The following TRIM66 variants were observed in gnomAD, a reference collection of about 807,000 sequenced individuals.
TRIM66 encodes tripartite motif containing 66.
TRIM66 carries 99 observed loss-of-function variants against 148.2 expected under a neutral mutation model. The ratio of observed to expected loss-of-function variants is 0.67; its 90% CI spans 0.57 to 0.79. TRIM66 has a LOEUF of 0.79. Among genes scored for constraint, TRIM66 ranks in the 30% least tolerant of loss-of-function variants. The pLI is 0.00. For missense variants in TRIM66, 1,666 were observed against 1,697.9 expected (o/e 0.98, Z 0.33); for synonymous variants, 616 against 635.9 (o/e 0.97, Z 0.47).
At chr11:8,678,638 T>C (rs1221441994) in intron 3 of TRIM66, among the ~76,000 whole-genome samples, 1 of 152,232 alleles carries the variant, frequency 6.6e-6, no homozygotes, top group Non-Finnish European at 1.5e-5. Flanking sequence ...TAATTCTCAC[T>C]TGGAAAAAAA....
In TRIM66 at chr11:8,625,224, G is replaced by A; in HGVS notation, c.2315C>T (p.Ser772Phe). Residue 772 changes from serine (S) to phenylalanine (F), a missense_variant, in exon 16 of 25, where the codon TCC (serine) becomes TTC (phenylalanine). Ser to Phe is a radical substitution (Grantham distance 155). Coordinates refer to ENST00000646038, the MANE Select transcript of TRIM66 (RefSeq NM_001388022.1). ...AAAGCCCATGATGCTCAGCGAGGTG[G>A]AGTGCTGCAGGAACAGAGACAAGGG... ...HSSPNVVRKH[S>F]TSLSIMGFSN... The A allele has an allele frequency of 6.7e-7, 1 of 1,496,414 alleles. No homozygotes were observed. Among genetic ancestry groups the A allele is most frequent in the Non-Finnish European group, 9.0e-7 (1 of 1,116,596 alleles). 92.7% of individuals were successfully genotyped at this position (1,496,414 alleles called of 1,614,324 possible).
Position 8,640,963 on chromosome 11 carries a change from G to T in TRIM66, c.1412C>A (p.Ser471Tyr). ...CSSSVCCSHCSPVSPSLKGQV... is the reference protein window; with the variant it reads ...CSSSVCCSHCYPVSPSLKGQV... ...GCCTTTGAGGGAAGGCGAGACTGGG[G>T]AGCAGTGGGAGCAGCACACAGATGA... The change falls in exon 14 of 25, where the codon TCC (serine) becomes TAC (tyrosine). Residue 471 changes from serine (S) to tyrosine (Y), a missense_variant. By Grantham distance (144) the Ser-to-Tyr change is moderately radical. Coordinates refer to ENST00000646038, the MANE Select transcript of TRIM66 (RefSeq NM_001388022.1). 2 of 1,551,306 alleles carry T rather than the reference G, an allele frequency of 1.3e-6. No homozygotes were observed. Among genetic ancestry groups the T allele is most frequent in the Non-Finnish European group, 1.7e-6 (2 of 1,146,966 alleles).
At chr11:8,682,457 C>T (rs1015395796) in intron 1 of TRIM66, 144 bp downstream of exon 1, 14 of 373,764 alleles carry the variant, frequency 3.7e-5, no homozygotes, top group South Asian at 3.5e-4. Flanking sequence ...CAACGAGGCC[C>T]TTAGGGTCGG....
intron 3 of TRIM66, among the ~76,000 whole-genome samples, chr11:8,677,678 T>C (rs2036423): frequency 0.39 from 59,771 of 151,998 alleles, 12,174 homozygotes; most frequent in East Asian, 0.6. Context: ...TTCCATTAAT[T>C]TTATCCTCTG....
intron 18 of TRIM66, 128 bp from the exon 19 acceptor site, chr11:8,621,947 A>G (rs753274750): frequency 2.0e-5 from 20 of 985,712 alleles, no homozygotes; most frequent in Non-Finnish European, 2.8e-5. Flanking sequence ...TGAAGGATAC[A>G]AAGTATTTAT....
intron 15 of TRIM66, among the ~76,000 whole-genome samples, chr11:8,636,484 C>T (rs1450561605): frequency 6.6e-6 from 1 of 152,142 alleles, no homozygotes; most frequent in African/African-American, 2.4e-5. Context: ...TAATTCAAAA[C>T]TTAACTTCTT....
At chr11:8,682,906 T>A (rs751506939), upstream of TRIM66, 9 of 1,471,074 alleles carry the variant, frequency 6.1e-6, no homozygotes, top group Non-Finnish European at 8.3e-6. Flanking sequence ...CTCCCTACCA[T>A]GGTCGGGGCT....
chr11:8,663,596 T>A (rs1011657196), intron 6 of TRIM66, among the ~76,000 whole-genome samples: 2 of 152,014 alleles, frequency 1.3e-5, no homozygotes, highest in African/African-American at 4.8e-5. Context: ...AACTAAAAAC[T>A]TGAAAAGCAA....
Position 8,625,210 on chromosome 11 carries a change from T to C in TRIM66, c.2329A>G (p.Ile777Val), listed in dbSNP as rs1449793402. 2 of 1,509,134 alleles carry C rather than the reference T, an allele frequency of 1.3e-6. No individual in the cohort carries two copies. The highest frequency in any genetic ancestry group is 2.8e-5 in the African/African-American group (2 of 72,364). The allele number at this position is 1,509,134 out of a possible 1,614,324, so 93.5% of individuals were successfully genotyped here. A position where few individuals can be genotyped will look rare whatever the true frequency, so the allele number is the denominator to read the frequency against. ...VVRKHSTSLSIMGFSNTLEME... is the reference protein window; with the variant it reads ...VVRKHSTSLSVMGFSNTLEME... ...TCCAGAGTGTTGGAAAAGCCCATGA[T>C]GCTCAGCGAGGTGGAGTGCTGCAGG... The change falls in exon 16 of 25, where the codon ATC (isoleucine) becomes GTC (valine). Residue 777 changes from isoleucine to valine, a missense_variant. Coordinates refer to ENST00000646038, the MANE Select transcript of TRIM66 (RefSeq NM_001388022.1).
At chr11:8,645,075 A>G (rs1314615158) in intron 12 of TRIM66, among the ~76,000 whole-genome samples, 3 of 152,048 alleles carry the variant, frequency 2.0e-5, no homozygotes, top group African/African-American at 7.2e-5. Context: ...TGGGTTCCTG[A>G]CTTTCTCTCT....
Position 8,672,247 on chromosome 11 carries a change from C to A in TRIM66, c.27+1G>T, listed in dbSNP as rs1282209727. On this transcript the variant is annotated splice_donor_variant, in intron 5 of 24. Coordinates refer to ENST00000646038, the MANE Select transcript of TRIM66 (RefSeq NM_001388022.1). LOFTEE classifies it high-confidence loss of function. ...CTCATGCCTCAGCCTCAGTTCCTCA[C>A]CTGGGACCAAAAAGAGAGTCTAGCC... 1.3e-6 allele frequency: 2 copies of A among 1,536,144 alleles called. No individual in the cohort carries two copies. The highest frequency in any genetic ancestry group is 1.2e-5 in the South Asian group (1 of 84,066).
At chr11:8,678,702 A>C (rs563596580) in intron 3 of TRIM66, among the ~76,000 whole-genome samples, 1 of 152,376 alleles carries the variant, frequency 6.6e-6, no homozygotes, top group South Asian at 2.1e-4. Flanking sequence ...TTAAAAAAGA[A>C]AACGAACATA....
At chr11:8,630,455 A>G (rs1486726118) in intron 15 of TRIM66, among the ~76,000 whole-genome samples, 1 of 152,234 alleles carries the variant, frequency 6.6e-6, no homozygotes, top group Non-Finnish European at 1.5e-5. Context: ...ATCTTTACAT[A>G]CAAAACCTCT....
At position 8,671,966 on chromosome 11, in the gene TRIM66, G is replaced by A. The variant is rs1263168616; in HGVS notation, c.160C>T (p.His54Tyr). 5 of 1,536,144 alleles carry A rather than the reference G, an allele frequency of 3.3e-6. No homozygotes were observed. Among genetic ancestry groups the A allele is most frequent in the Non-Finnish European group, 4.4e-6 (5 of 1,146,914 alleles). The change falls in exon 6 of 25, where the codon CAC becomes TAC. Residue 54 changes from histidine (H) to tyrosine (Y), a missense_variant. Physicochemically the swap from His to Tyr is moderately conservative, Grantham distance 83 (BLOSUM62 2). Around this residue, in one of 3 missense-constraint regions of TRIM66, gnomAD observed 1,431 missense variants for 1,412.4 expected, o/e 1.01. Transcript: ENST00000646038. ...TCCATCTGTCCACTCTTAGGGCAGT[G>A]TTTCTGGCCAGCTAGTGGCAGCCCC... ...FMGLPLAGQK[H>Y]CPKSGQMEAM...
chr11:8,660,332 C>G (rs2038161008), intron 6 of TRIM66, among the ~76,000 whole-genome samples: 1 of 152,186 alleles, frequency 6.6e-6, no homozygotes, highest in Admixed American at 6.5e-5. Flanking sequence ...CATCCTAACA[C>G]TATTCCCTAC....
chr11:8,672,452 A>C (rs538890620), intron 4 of TRIM66, 67 bp from the exon 5 acceptor site: 1 of 1,418,848 alleles, frequency 7.0e-7, no homozygotes, highest in African/African-American at 1.4e-5. Flanking sequence ...GGCACTTTAC[A>C]TACTGTATTT....
In TRIM66 at chr11:8,638,648, C is replaced by T; in HGVS notation, c.2310+6G>A. On this transcript the variant is annotated splice_donor_region_variant and intron_variant, in intron 15 of 24. Coordinates refer to ENST00000646038, the MANE Select transcript of TRIM66 (RefSeq NM_001388022.1). ...TGTAGTTAGGGAAAACAGGCTCCTT[C>T]AGTACCTTTCTCACCACATTTGGAG... 1 of 1,547,078 alleles carries T rather than the reference C, an allele frequency of 6.5e-7. No homozygotes were observed. Among genetic ancestry groups the T allele is most frequent in the Non-Finnish European group, 8.7e-7 (1 of 1,145,688 alleles).
At chr11:8,676,448 C>G (rs892000037) in intron 3 of TRIM66, among the ~76,000 whole-genome samples, 11 of 152,112 alleles carry the variant, frequency 7.2e-5, no homozygotes, top group African/African-American at 2.4e-4. Flanking sequence ...GACCCCCCAC[C>G]CCATAAGGTC....
chr11:8,664,553 C>T (rs1003172966), intron 6 of TRIM66, among the ~76,000 whole-genome samples: 3 of 152,140 alleles, frequency 2.0e-5, no homozygotes. Flanking sequence ...TATAAGGCTG[C>T]TGTGAAGTTT....
Sources: allele counts gnomAD v4.1 joint callset (sites outside exome capture counted in the v4.1 genomes callset), GRCh38; gene constraint gnomAD v4.1.1; regional missense constraint gnomAD v4.1.1; transcripts MANE v1.5; gene names NCBI Gene and HGNC (gene_info 2026-07-23, HGNC 2026-07-21).